MBD5: variants seen among roughly 807,000 people sequenced by gnomAD.
MBD5 encodes the protein methyl-CpG binding domain protein 5, also known as methyl-CpG-binding domain protein 5.
A neutral mutation model predicts 117.3 loss-of-function variants in MBD5; 13 were observed. The ratio of observed to expected loss-of-function variants is 0.11; its 90% CI spans 0.07 to 0.18. MBD5 has a LOEUF of 0.18. Ranked by LOEUF, MBD5 falls within the 10% of genes least tolerant of loss-of-function variation. MBD5 has a pLI of 1.00. For synonymous variants in MBD5, 727 were observed against 766.4 expected, an observed-to-expected ratio of 0.95 and a Z score of 0.85; for missense variants, 1,879 against 2,093.8, an observed-to-expected ratio of 0.90 and a Z score of 2.00.
At chr2:148,271,079 C>T (rs569890789) in intron 3 of MBD5, among the ~76,000 whole-genome samples, 1 of 152,254 alleles carries the variant, frequency 6.6e-6, no homozygotes, top group Admixed American at 6.5e-5. Flanking sequence ...AGAGCTTTTG[C>T]TGCCTTTATT....
At chr2:148,486,440 A>T (rs546316275) in intron 10 of MBD5, among the ~76,000 whole-genome samples, 4 of 152,216 alleles carry the variant, frequency 2.6e-5, no homozygotes, top group Non-Finnish European at 5.9e-5. Flanking sequence ...TGGGGTAGAG[A>T]AGGCTCTTTC....
chr2:148,119,529 T>C (rs1390972151), intron 1 of MBD5, among the ~76,000 whole-genome samples: 1 of 152,200 alleles, frequency 6.6e-6, no homozygotes, highest in East Asian at 1.9e-4. Context: ...TTATTATTTT[T>C]TTCTTCTTTT....
chr2:148,253,696 G>A (rs1700518257), intron 3 of MBD5, among the ~76,000 whole-genome samples: 1 of 152,158 alleles, frequency 6.6e-6, no homozygotes, highest in Non-Finnish European at 1.5e-5. Flanking sequence ...GTGGCGGGTA[G>A]CTGGAAAAAC....
intron 4 of MBD5, among the ~76,000 whole-genome samples, chr2:148,421,457 A>T (rs1270210908): frequency 6.6e-6 from 1 of 151,924 alleles, no homozygotes; most frequent in Non-Finnish European, 1.5e-5. Context: ...CTCAGTGCCT[A>T]CGCCAACAGG....
intron 3 of MBD5, among the ~76,000 whole-genome samples, chr2:148,327,537 G>C (rs1038351201): frequency 6.6e-6 from 1 of 151,714 alleles, no homozygotes; most frequent in Non-Finnish European, 1.5e-5. Context: ...GGCTTTGCTC[G>C]TTTCTTTTTA....
chr2:148,072,729 A>G (rs931113835), intron 1 of MBD5, among the ~76,000 whole-genome samples: 1 of 152,198 alleles, frequency 6.6e-6, no homozygotes, highest in Non-Finnish European at 1.5e-5. Context: ...TTATGAATAC[A>G]TCAGATTTAG....
At chr2:148,058,824 C>T (rs1694945461) in intron 1 of MBD5, among the ~76,000 whole-genome samples, 1 of 152,154 alleles carries the variant, frequency 6.6e-6, no homozygotes, top group Non-Finnish European at 1.5e-5. Context: ...CTAATTTAAA[C>T]ACTTCCTGCC....
chr2:148,138,309 G>A, intron 1 of MBD5, among the ~76,000 whole-genome samples: 1 of 152,152 alleles, frequency 6.6e-6, no homozygotes, highest in South Asian at 2.1e-4. Context: ...AATAAATGAG[G>A]TATGTGAAAG....
Position 148,470,433 on chromosome 2 carries a change from C to A in MBD5, c.2490C>A (p.Ser830Arg). 1 of 1,605,054 alleles carries A rather than the reference C, an allele frequency of 6.2e-7. No individual in the cohort carries two copies. The highest frequency in any genetic ancestry group is 8.5e-7 in the Non-Finnish European group (1 of 1,174,752). Reference protein sequence around the residue: ...STPVIPNSIVSSYNQTSSEAG... With the variant: ...STPVIPNSIVRSYNQTSSEAG... ...CAGTGATACCAAACAGCATTGTTAG[C>A]AGCTATAATCAAACAAGTTCTGAAG... Residue 830 changes from serine to arginine, a missense_variant, in exon 8 of 14, where the codon AGC becomes AGA. Transcript: ENST00000642680.
chr2:148,376,317 G>T (rs1703985680), intron 4 of MBD5, among the ~76,000 whole-genome samples: 1 of 147,696 alleles, frequency 6.8e-6, no homozygotes, highest in South Asian at 2.1e-4. Context: ...GCCCAGGCTG[G>T]AGTGCAGCGG....
chr2:148,332,072 C>T (rs1037723520), intron 3 of MBD5, among the ~76,000 whole-genome samples: 6 of 151,966 alleles, frequency 3.9e-5, no homozygotes, highest in African/African-American at 1.4e-4. Flanking sequence ...AATTATAAAA[C>T]AGAATATCTC....
intron 12 of MBD5, among the ~76,000 whole-genome samples, chr2:148,504,145 G>GTAAATTAATGTGAGAGC (rs559409072): frequency 2.5e-3 from 387 of 152,246 alleles, no homozygotes; most frequent in Non-Finnish European, 4.3e-3. Context: ...CCTATTTGTA[G>GTAAATTAATGTGAGAGC]TAAATTAATG....
At position 148,485,913 on chromosome 2, in the gene MBD5, A is replaced by T. The variant is rs755084319; in HGVS notation, c.3716A>T (p.Asn1239Ile). Residue 1239 changes from asparagine (N) to isoleucine (I), a missense_variant, in exon 10 of 14, where the codon AAC becomes ATC. Transcript: ENST00000642680. ...QGQSTIPCPA[N>I]NNPMACLFQN... Reference sequence around the variant, plus strand: ...CAGTCCACAATTCCTTGCCCAGCTAACAATAACCCCATGGCTTGTCTGTTT... The same window carrying T: ...CAGTCCACAATTCCTTGCCCAGCTATCAATAACCCCATGGCTTGTCTGTTT... 2 of 1,614,118 alleles carry T rather than the reference A, an allele frequency of 1.2e-6. No homozygotes were observed. Among genetic ancestry groups the T allele is most frequent in the East Asian group, 2.2e-5 (1 of 44,880 alleles).
chr2:148,470,735 T>A (rs574386195), intron 8 of MBD5: 1 of 466,728 alleles, frequency 2.1e-6, no homozygotes, highest in East Asian at 3.4e-5. Context: ...TTTATAACCA[T>A]TGGACTCCAA....
intron 4 of MBD5, among the ~76,000 whole-genome samples, chr2:148,422,552 C>T (rs1453059987): frequency 1.3e-5 from 2 of 152,088 alleles, no homozygotes; most frequent in Non-Finnish European, 1.5e-5. Context: ...AACTCCTCAC[C>T]AGCAAGGGAA....
chr2:148,294,210 T>G (rs60567899), intron 3 of MBD5, among the ~76,000 whole-genome samples: 74 of 1,072 alleles, frequency 0.069, 2 homozygotes, highest in African/African-American at 0.07. Context: ...TTTTTTTTTT[T>G]TTTTTTTTTT....
chr2:148,270,707 A>G (rs1700965622), intron 3 of MBD5, among the ~76,000 whole-genome samples: 1 of 151,650 alleles, frequency 6.6e-6, no homozygotes, highest in Non-Finnish European at 1.5e-5. Context: ...TTGTCTTCTG[A>G]CTTTCAATTT....
chr2:148,333,647 G>T (rs142316957), intron 3 of MBD5, among the ~76,000 whole-genome samples: 88 of 151,216 alleles, frequency 5.8e-4, no homozygotes, highest in Non-Finnish European at 9.1e-4. Context: ...TTCAAGATCA[G>T]CCCAGCCAAC....
intron 1 of MBD5, among the ~76,000 whole-genome samples, chr2:148,127,694 C>G (rs889048392): frequency 3.9e-5 from 6 of 152,080 alleles, no homozygotes; most frequent in African/African-American, 1.4e-4. Context: ...AATGTATATA[C>G]GCATGCATGT....
Sources: allele counts gnomAD v4.1 joint callset (sites outside exome capture counted in the v4.1 genomes callset), GRCh38; gene constraint gnomAD v4.1.1; transcripts MANE v1.5; gene names NCBI Gene and HGNC (gene_info 2026-07-23, HGNC 2026-07-21).